The following FBXO3 variants were observed in gnomAD, a reference collection of about 807,000 sequenced individuals.
FBXO3 encodes F-box protein 3, also known as F-box only protein 3.
Under a neutral mutation model 64.8 loss-of-function variants are expected in FBXO3, and 17 were observed. The ratio of observed to expected loss-of-function variants is 0.26; its 90% CI spans 0.18 to 0.39. FBXO3 has a LOEUF of 0.39. FBXO3 is among the 10% of genes least tolerant of loss of function. FBXO3 has a pLI of 1.00. For missense variants in FBXO3, 420 were observed against 589.9 expected (o/e 0.71, Z 2.98); for synonymous variants, 182 against 201.6 (o/e 0.90, Z 0.82).
intron 10 of FBXO3, 158 bp from the exon 11 acceptor site, chr11:33,742,242 G>C (rs775403268): frequency 1.8e-5 from 10 of 545,570 alleles, no homozygotes; most frequent in Non-Finnish European, 3.0e-5. Context: ...ACATGCTGAT[G>C]CAAGATTCTG....
intron 4 of FBXO3, among the ~76,000 whole-genome samples, chr11:33,757,681 A>AAAAAAAAAAAAAAAAAT (rs1564990642): frequency 7.0e-6 from 1 of 143,188 alleles, no homozygotes; most frequent in African/African-American, 2.6e-5. Context: ...AAAAAAAAAA[A>AAAAAAAAAAAAAAAAAT]GTCTGGGTGG....
intron 10 of FBXO3, chr11:33,746,865 T>C (rs968035585): frequency 2.0e-5 from 29 of 1,417,364 alleles, no homozygotes; most frequent in Non-Finnish European, 2.5e-5. Flanking sequence ...TCTAATGTGG[T>C]ATTTCTCATA....
chr11:33,744,279 G>T (rs1015849530), intron 10 of FBXO3: 2 of 152,078 alleles, frequency 1.3e-5, no homozygotes, highest in African/African-American at 4.8e-5. Context: ...AGAACTCAAT[G>T]TGGCTAAGGA....
intron 3 of FBXO3, among the ~76,000 whole-genome samples, chr11:33,762,040 C>T (rs1855256519): frequency 6.6e-6 from 1 of 152,164 alleles, no homozygotes; most frequent in African/African-American, 2.4e-5. Flanking sequence ...ATTACATATG[C>T]AAAATCCCTT....
chr11:33,761,971 T>G (rs1486002126), intron 3 of FBXO3, among the ~76,000 whole-genome samples: 2 of 152,242 alleles, frequency 1.3e-5, no homozygotes, highest in Non-Finnish European at 2.9e-5. Flanking sequence ...TGGGGCCCAG[T>G]CAGGATAATT....
intron 10 of FBXO3, chr11:33,746,453 C>T (rs979496187): frequency 8.4e-6 from 4 of 478,790 alleles, no homozygotes; most frequent in Non-Finnish European, 1.5e-5. Flanking sequence ...TCATGTCCAT[C>T]TTTCCAAACT....
intron 5 of FBXO3, 127 bp from the exon 6 acceptor site, chr11:33,754,627 T>C (rs1044729468): frequency 4.5e-6 from 3 of 673,248 alleles, no homozygotes; most frequent in Non-Finnish European, 7.2e-6. Flanking sequence ...AGAAGATATA[T>C]GGCTTGTTAT....
chr11:33,742,097 A>G lies in FBXO3; in HGVS notation c.1240-13T>C. ...CAGGACCCATTTCCTTGAAAGAGAAAACAATCTTTTGATAAGAAGAGCATC... is the reference window on the plus strand; with the variant it reads ...CAGGACCCATTTCCTTGAAAGAGAAGACAATCTTTTGATAAGAAGAGCATC... On this transcript the variant is annotated splice_polypyrimidine_tract_variant and intron_variant, in intron 10 of 10. Transcript: ENST00000265651. The G allele has an allele frequency of 6.5e-7, 1 of 1,537,080 alleles. No individual in the cohort carries two copies.
At chr11:33,774,351 T>G in intron 1 of FBXO3, 43 bp downstream of exon 1, 3 of 1,249,748 alleles carry the variant, frequency 2.4e-6, no homozygotes, top group Non-Finnish European at 3.3e-6. Flanking sequence ...CACCGCCTCC[T>G]CTCCCCATGC....
chr11:33,757,829 G>A (rs1055078129), intron 4 of FBXO3, among the ~76,000 whole-genome samples: 2 of 151,428 alleles, frequency 1.3e-5, no homozygotes, highest in African/African-American at 2.4e-5. Flanking sequence ...ATGGTGGTGC[G>A]CCTGTACTTC....
intron 4 of FBXO3, chr11:33,757,118 AAC>A: frequency 3.9e-6 from 2 of 517,118 alleles, no homozygotes; most frequent in Non-Finnish European, 7.7e-6. Flanking sequence ...CTGAAATTGT[AAC>A]AGAGCCTCAC....
intron 2 of FBXO3, 21 bp downstream of exon 2, chr11:33,770,720 A>G (rs1437423052): frequency 6.3e-7 from 1 of 1,593,178 alleles, no homozygotes; most frequent in African/African-American, 1.3e-5. Context: ...TTTCAGAAGT[A>G]CATATTCCTC....
At chr11:33,745,173 C>T (rs948937530) in intron 10 of FBXO3, 2 of 151,760 alleles carry the variant, frequency 1.3e-5, no homozygotes, top group African/African-American at 4.8e-5. Context: ...AGCATATTTG[C>T]ATATAATTAT....
At chr11:33,744,205 CATG>C (rs1478987384) in intron 10 of FBXO3, 1 of 151,912 alleles carries the variant, frequency 6.6e-6, no homozygotes, top group Non-Finnish European at 1.5e-5. Context: ...AGTTCTAAAA[CATG>C]ATATGTGAGT....
At position 33,755,937 on chromosome 11, in the gene FBXO3, G is replaced by C. The variant is rs1855085913; in HGVS notation, c.512C>G (p.Ser171Cys). The C allele has an allele frequency of 1.2e-6, 2 of 1,613,998 alleles. No individual in the cohort carries two copies. The highest frequency in any genetic ancestry group is 1.7e-6 in the Non-Finnish European group (2 of 1,180,020). The change falls in exon 5 of 11, where the codon TCT becomes TGT. Residue 171 changes from serine (S) to cysteine (C), a missense_variant. Ser to Cys is a moderately radical substitution (Grantham distance 112). Coordinates refer to ENST00000265651, the MANE Select transcript of FBXO3 (RefSeq NM_012175.4). The stretch of plus-strand genomic sequence containing the variant: ...TGTATCGACGTCTAACAAATCTTCA[G>C]AACGATAGTGATTAGACAGTGCCAT... ...GSMALSNHYRSEDLLDVDTAA... is the reference protein window; with the variant it reads ...GSMALSNHYRCEDLLDVDTAA...
chr11:33,751,468 T>C lies in FBXO3; in HGVS notation c.809+55A>G, dbSNP rs111746124. 47 of 1,177,982 alleles carry C rather than the reference T, an allele frequency of 4.0e-5. No individual in the cohort carries two copies. In the African/African-American group the frequency reaches 5.1e-4, roughly 13 times the overall value. The allele number at this position is 1,177,982 out of a possible 1,614,324, so 73.0% of individuals were successfully genotyped here. ...ACTTCATTTCATGATCTGTGACTTATCATTTTTCTCTGATTTACAATCATT... is the reference window on the plus strand; with the variant it reads ...ACTTCATTTCATGATCTGTGACTTACCATTTTTCTCTGATTTACAATCATT... On this transcript the variant is annotated intron_variant, in intron 7 of 10. Coordinates refer to ENST00000265651, the MANE Select transcript of FBXO3 (RefSeq NM_012175.4).
Position 33,748,781 on chromosome 11 carries a change from T to C in FBXO3, c.1044A>G (p.Val348=). The part of the protein sequence containing the change: ...GDVEEVQGPG[V]VGEFPIISPG... ...CCTAAATCTTGGGTTCCATACCAAC[T>C]ACTCCAGGTCCTTGAACTTCTTCCA... Residue 348 remains valine, a synonymous_variant, in exon 9 of 11, where the codon GTA becomes GTG. Transcript: ENST00000265651. 1 of 1,609,276 alleles carries C rather than the reference T, an allele frequency of 6.2e-7. No individual in the cohort carries two copies. The highest frequency in any genetic ancestry group is 8.5e-7 in the Non-Finnish European group (1 of 1,176,038).
intron 10 of FBXO3, chr11:33,744,888 G>A (rs1407951725): frequency 1.3e-5 from 2 of 151,968 alleles, no homozygotes; most frequent in African/African-American, 4.8e-5. Flanking sequence ...AGAATTCTTC[G>A]GAGTCCTCAA....
chr11:33,760,515 C>T (rs549605388), intron 3 of FBXO3, among the ~76,000 whole-genome samples: 9 of 151,876 alleles, frequency 5.9e-5, no homozygotes, highest in South Asian at 4.2e-4. Flanking sequence ...GGGATGGTGT[C>T]GCACCTGTAG....
Sources: gnomAD v4.1 joint callset for allele counts (sites outside exome capture counted in the v4.1 genomes callset) on GRCh38, gnomAD v4.1.1 for gene constraint, MANE v1.5 for transcripts, NCBI Gene and HGNC (gene_info 2026-07-23, HGNC 2026-07-21) for gene names.